Variants in TRAK1 observed in about 807,000 individuals in gnomAD.
The protein encoded by TRAK1 is trafficking kinesin-binding protein 1.
Under a neutral mutation model 92.1 loss-of-function variants are expected in TRAK1, and 33 were observed. That is an observed-to-expected ratio of 0.36 (90% CI 0.27 to 0.48). The LOEUF (loss-of-function observed/expected upper bound fraction) is 0.48, where lower values mean the gene tolerates loss of function less well. Among genes scored for constraint, TRAK1 ranks in the 20% least tolerant of loss-of-function variants. The probability of loss-of-function intolerance (pLI) is 0.99; values close to 1 mark genes in which losing one functional copy is unlikely to be tolerated. For missense variants in TRAK1, 1,123 were observed against 1,257.9 expected (o/e 0.89, Z 1.62); for synonymous variants, 521 against 517.3 (o/e 1.01, Z -0.10).
At chr3:42,180,649 G>A (rs7614284) in intron 3 of TRAK1, among the ~76,000 whole-genome samples, 32,073 of 147,210 alleles carry the variant, frequency 0.22, 4,145 homozygotes, top group East Asian at 0.43. Context: ...ACTGCACTCC[G>A]GCCTAGGCGA....
intron 2 of TRAK1, among the ~76,000 whole-genome samples, chr3:42,153,411 A>T (rs1253529053): frequency 6.6e-6 from 1 of 152,120 alleles, no homozygotes; most frequent in African/African-American, 2.4e-5. Flanking sequence ...AAAATAAAAA[A>T]AAAAGGAATG....
Position 42,053,377 on chromosome 3 carries a change from G to C in TRAK1, c.-518-33727G>C, listed in dbSNP as rs1251664894. On this transcript the variant is annotated intron_variant, in intron 1 of 16. Transcript: ENST00000487159. ...CTGCAGTCCCATTCAGAGTCGGGTG[G>C]GGGGGGGGGGCGGGGGATGGCAAAG... Among the ~76,000 whole-genome samples the C allele has an allele frequency of 1.1e-3, 95 of 84,154 alleles. 1 individual carries two copies. The highest frequency in any genetic ancestry group is 9.2e-3 in the African/African-American group (88 of 9,606). The allele number at this position is 84,154 out of a possible 152,430, so 55.2% of individuals were successfully genotyped here.
chr3:42,178,096 G>A (rs1022333726), intron 3 of TRAK1, among the ~76,000 whole-genome samples: 1 of 152,100 alleles, frequency 6.6e-6, no homozygotes, highest in Non-Finnish European at 1.5e-5. Context: ...GTGCTCTCCA[G>A]ATCTTACAAA....
At chr3:42,126,364 G>C (rs927948271) in intron 2 of TRAK1, among the ~76,000 whole-genome samples, 2 of 152,064 alleles carry the variant, frequency 1.3e-5, no homozygotes, top group African/African-American at 4.8e-5. Flanking sequence ...TGGATGTTTG[G>C]AGAGTCCAAA....
intron 1 of TRAK1, among the ~76,000 whole-genome samples, chr3:42,017,214 T>C (rs1159124193): frequency 2.6e-5 from 4 of 152,326 alleles, no homozygotes; most frequent in Admixed American, 1.3e-4. Flanking sequence ...TGAGCCAAGA[T>C]TGTGCCATTG....
intron 14 of TRAK1, chr3:42,212,444 C>T: frequency 1.0e-6 from 1 of 985,354 alleles, no homozygotes; most frequent in Non-Finnish European, 1.2e-6. Context: ...TTGTCCAGAG[C>T]CTGCTGTCCC....
intron 1 of TRAK1, among the ~76,000 whole-genome samples, chr3:42,018,357 C>T (rs535446441): frequency 6.6e-6 from 1 of 152,134 alleles, no homozygotes; most frequent in Non-Finnish European, 1.5e-5. Flanking sequence ...GAATCCCCAG[C>T]ATAAGCACAT....
intron 1 of TRAK1, among the ~76,000 whole-genome samples, chr3:42,105,347 A>G (rs1184450575): frequency 6.6e-6 from 1 of 152,230 alleles, no homozygotes; most frequent in Non-Finnish European, 1.5e-5. Context: ...GCTGAAAACC[A>G]TGGCACGAGA....
intron 2 of TRAK1, among the ~76,000 whole-genome samples, chr3:42,170,876 T>C (rs1247777801): frequency 6.7e-6 from 1 of 149,868 alleles, no homozygotes; most frequent in Non-Finnish European, 1.5e-5. Context: ...CAGGCTGGAG[T>C]GCAGTGGCAT....
intron 2 of TRAK1, among the ~76,000 whole-genome samples, chr3:42,145,340 G>T (rs2149238017): frequency 6.6e-6 from 1 of 152,240 alleles, no homozygotes; most frequent in South Asian, 2.1e-4. Context: ...CAAAAAATTA[G>T]CTGGGTGTGG....
chr3:42,113,163 T>C (rs1708690717), intron 1 of TRAK1, among the ~76,000 whole-genome samples: 1 of 152,186 alleles, frequency 6.6e-6, no homozygotes, highest in South Asian at 2.1e-4. Flanking sequence ...GGCGGATCAG[T>C]TAAGCCCAGT....
intron 1 of TRAK1, among the ~76,000 whole-genome samples, chr3:42,070,059 C>T (rs1181697739): frequency 6.6e-6 from 1 of 151,738 alleles, no homozygotes; most frequent in African/African-American, 2.4e-5. Context: ...ACCATGTTGG[C>T]CAGGCTGGTC....
At chr3:42,058,989 TTAAAA>T (rs1327063035) in intron 1 of TRAK1, among the ~76,000 whole-genome samples, 4 of 152,228 alleles carry the variant, frequency 2.6e-5, no homozygotes, top group African/African-American at 7.2e-5. Flanking sequence ...TTTACTGAAT[TTAAAA>T]TAAATCCAGG....
intron 6 of TRAK1, among the ~76,000 whole-genome samples, chr3:42,189,617 G>A (rs927089223): frequency 4.6e-5 from 7 of 151,748 alleles, no homozygotes; most frequent in Non-Finnish European, 1.0e-4. Flanking sequence ...TGCAACCTTC[G>A]CCTCCCAGGT....
Position 42,200,874 on chromosome 3 carries a change from G to A in TRAK1, c.1247G>A (p.Arg416Lys), listed in dbSNP as rs759926089. 1.4e-5 allele frequency: 22 copies of A among 1,614,148 alleles called. No individual in the cohort carries two copies. In the South Asian group the frequency reaches 1.6e-4, roughly 12 times the overall value. The change falls in exon 12 of 16, where the codon AGA becomes AAA. Residue 416 changes from arginine (R) to lysine (K), a missense_variant. Coordinates refer to ENST00000327628, the MANE Select transcript of TRAK1 (RefSeq NM_001042646.3). ...VRNINQVVKQ[R>K]SLTPSPMNIP... ...AACATCAACCAGGTTGTCAAGCAGA[G>A]ATCTCTGACCCCTTCTCCCATGAAC...
At chr3:42,147,555 T>C (rs1699467317) in intron 2 of TRAK1, among the ~76,000 whole-genome samples, 2 of 152,318 alleles carry the variant, frequency 1.3e-5, no homozygotes, top group African/African-American at 4.8e-5. Flanking sequence ...CGGGGATGGT[T>C]TCTTTGTCTG....
At chr3:42,099,643 C>T (rs114551629) in intron 1 of TRAK1, among the ~76,000 whole-genome samples, 299 of 152,282 alleles carry the variant, frequency 2.0e-3, no homozygotes, top group African/African-American at 6.9e-3. Context: ...ACGTTCTTCT[C>T]TTAGTAGGAA....
rs370557370 is a variant in TRAK1 at position 42,125,502 on chromosome 3, C to T, written c.174C>T (p.Ala58=). Residue 58 remains alanine, a synonymous_variant, in exon 2 of 16, where the codon GCC becomes GCT. Transcript: ENST00000327628. ...AGCTGCCCCATTATAAGTTAAGAGCCGACACCATCTACGGTTATGACCACG... is the reference window on the plus strand; with the variant it reads ...AGCTGCCCCATTATAAGTTAAGAGCTGACACCATCTACGGTTATGACCACG... ...EEQLPHYKLR[A]DTIYGYDHDD... The T allele has an allele frequency of 1.2e-5, 20 of 1,614,072 alleles. No individual in the cohort carries two copies. The highest frequency in any genetic ancestry group is 2.2e-5 in the East Asian group (1 of 44,902).
Position 42,189,024 on chromosome 3 carries a change from G to A in TRAK1, c.590G>A (p.Arg197Lys). The A allele has an allele frequency of 1.2e-6, 2 of 1,613,412 alleles. No homozygotes were observed. Among genetic ancestry groups the A allele is most frequent in the East Asian group, 2.2e-5 (1 of 44,866 alleles). ...PESVCSTPLKRNESSSSVQNY... is the reference protein window; with the variant it reads ...PESVCSTPLKKNESSSSVQNY... ...CGTACTTTCTCCCCCAGGTTGAAGA[G>A]GAATGAGTCGTCCTCCTCAGTCCAG... is the stretch of plus-strand genomic sequence containing the variant. Residue 197 changes from arginine (R) to lysine (K), a missense_variant, in exon 6 of 16, where the codon AGG becomes AAG. By Grantham distance (26) the Arg-to-Lys change is conservative (BLOSUM62 2). Transcript: ENST00000327628.
Sources: allele counts gnomAD v4.1 joint callset (sites outside exome capture counted in the v4.1 genomes callset), GRCh38; gene constraint gnomAD v4.1.1; transcripts MANE v1.5; gene names NCBI Gene and HGNC (gene_info 2026-07-23, HGNC 2026-07-21).